The following MICOS10 variants were observed in gnomAD, a reference collection of about 807,000 sequenced individuals.
MICOS10 encodes mitochondrial contact site and cristae organizing system subunit 10, also known as MICOS complex subunit MIC10.
Under a neutral mutation model 13.4 loss-of-function variants are expected in MICOS10, and 5 were observed. The ratio of observed to expected loss-of-function variants is 0.37; its 90% CI spans 0.20 to 0.78. The LOEUF is 0.78. MICOS10 is among the 30% of genes least tolerant of loss of function. MICOS10 has a pLI of 0.47. For synonymous variants in MICOS10, 35 were observed against 33.6 expected, an observed-to-expected ratio of 1.04 and a Z score of -0.15; for missense variants, 101 against 94.6, an observed-to-expected ratio of 1.07 and a Z score of -0.28.
At chr1:19,624,365 C>T (rs895678588) in intron 3 of MICOS10, among the ~76,000 whole-genome samples, 7 of 151,088 alleles carry the variant, frequency 4.6e-5, no homozygotes, top group African/African-American at 9.8e-5. Context: ...TGGCTCACTG[C>T]GACCTCTGCC....
At chr1:19,617,410 G>A (rs2094888313) in intron 1 of MICOS10, 1 of 615,544 alleles carries the variant, frequency 1.6e-6, no homozygotes, top group African/African-American at 2.0e-5. Flanking sequence ...CTTTTGAGAA[G>A]CTGATTAATA....
chr1:19,600,985 T>C (rs1366809950), intron 1 of MICOS10: 2 of 1,289,246 alleles, frequency 1.6e-6, no homozygotes, highest in Non-Finnish European at 2.0e-6. Flanking sequence ...AGTCCTTCTC[T>C]GTTTGGTTGT....
chr1:19,619,038 T>C (rs771771480), intron 1 of MICOS10, among the ~76,000 whole-genome samples: 8 of 152,260 alleles, frequency 5.3e-5, no homozygotes, highest in Non-Finnish European at 7.3e-5. Context: ...GAGGTCTTAA[T>C]AATTGCCATA....
In MICOS10 at chr1:19,621,475, T is replaced by C. The variant is rs558903430; in HGVS notation, c.65-625T>C. Among the ~76,000 whole-genome samples the C allele has an allele frequency of 2.1e-4, 32 of 152,316 alleles. No homozygotes were observed. The South Asian group carries it at 6.4e-3, about 31-fold the overall frequency. The stretch of plus-strand genomic sequence containing the variant: ...TGGAGAGGAATCCAACATCTGGACA[T>C]GGCAGGTACAGTAGCATTGGAGTCT... On this transcript the variant is annotated intron_variant, in intron 1 of 3. Transcript: ENST00000322753.
Position 19,596,980 on chromosome 1 carries a change from C to T in MICOS10, c.-66C>T. On this transcript the variant is annotated 5_prime_UTR_variant, in exon 1 of 4. Coordinates refer to ENST00000322753, the MANE Select transcript of MICOS10 (RefSeq NM_001032363.4). ...ACCTGGGACTTGTTTCCAGCTCTCG[C>T]GAGACTTTCAGGGGTCGGAGCGCGG... is the stretch of plus-strand genomic sequence containing the variant. 1 of 1,508,146 alleles carries T rather than the reference C, an allele frequency of 6.6e-7. No homozygotes were observed. The highest frequency in any genetic ancestry group is 1.2e-5 in the South Asian group (1 of 82,472). The allele number at this position is 1,508,146 out of a possible 1,614,324, so 93.4% of individuals were successfully genotyped here.
At chr1:19,616,413 C>G (rs893537929) in intron 1 of MICOS10, among the ~76,000 whole-genome samples, 1 of 152,068 alleles carries the variant, frequency 6.6e-6, no homozygotes. Flanking sequence ...ATAGAAATAC[C>G]CTTTTCAGCA....
At chr1:19,605,166 A>G (rs928699198) in intron 1 of MICOS10, among the ~76,000 whole-genome samples, 4 of 152,160 alleles carry the variant, frequency 2.6e-5, no homozygotes, top group South Asian at 2.1e-4. Flanking sequence ...AGGAGATTTT[A>G]TCCTTTGGGG....
intron 1 of MICOS10, among the ~76,000 whole-genome samples, chr1:19,601,841 C>T (rs890416815): frequency 2.3e-4 from 35 of 152,068 alleles, no homozygotes; most frequent in African/African-American, 8.2e-4. Context: ...CTCTTTTTTC[C>T]ACTTTTTTAG....
intron 3 of MICOS10, among the ~76,000 whole-genome samples, chr1:19,624,168 C>T (rs531850405): frequency 5.9e-5 from 9 of 151,744 alleles, no homozygotes; most frequent in East Asian, 2.0e-4. Context: ...TTAGTAGAGA[C>T]GGAGCTTCAC....
chr1:19,609,710 G>T (rs2094851477), intron 1 of MICOS10, among the ~76,000 whole-genome samples: 1 of 152,200 alleles, frequency 6.6e-6, no homozygotes, highest in South Asian at 2.1e-4. Flanking sequence ...TCATTTTGTT[G>T]AGTGATAGAA....
intron 1 of MICOS10, among the ~76,000 whole-genome samples, chr1:19,599,078 T>C (rs2094804040): frequency 1.3e-5 from 2 of 152,024 alleles, no homozygotes; most frequent in South Asian, 2.1e-4. Context: ...TTTTTTGAAA[T>C]AGGGTCTCGC....
In MICOS10 at chr1:19,609,866, T is replaced by TG. The variant is rs2094852169; in HGVS notation, c.65-12231dup. 2.0e-5 allele frequency among the ~76,000 whole-genome samples: 3 copies of TG among 152,146 alleles called. No homozygotes were observed. In the South Asian group the frequency reaches 6.2e-4, roughly 32 times the overall value. Reference sequence around the variant, plus strand: ...ATGACTAAAGAAAGCATAGCCTGGCTGGGCACGGTGGCTCATGCCTGTAAT... The same window carrying TG: ...ATGACTAAAGAAAGCATAGCCTGGCTGGGGCACGGTGGCTCATGCCTGTAAT... On this transcript the variant is annotated intron_variant, in intron 1 of 3. Coordinates refer to ENST00000322753, the MANE Select transcript of MICOS10 (RefSeq NM_001032363.4).
intron 3 of MICOS10, chr1:19,623,940 T>TA (rs1459174545): frequency 6.0e-6 from 1 of 165,986 alleles, no homozygotes; most frequent in Non-Finnish European, 1.3e-5. Context: ...CACATATACT[T>TA]AAGCTAAACC....
At chr1:19,603,296 C>T (rs2094822796) in intron 1 of MICOS10, among the ~76,000 whole-genome samples, 1 of 152,180 alleles carries the variant, frequency 6.6e-6, no homozygotes. Context: ...TGCCATTGCA[C>T]CCCAGCTTGG....
intron 1 of MICOS10, among the ~76,000 whole-genome samples, chr1:19,604,433 C>T (rs1179878696): frequency 2.6e-5 from 4 of 152,054 alleles, no homozygotes; most frequent in Admixed American, 6.6e-5. Flanking sequence ...CGCTGGAACC[C>T]GGGAGTAGCA....
chr1:19,597,063 C>A lies in MICOS10; in HGVS notation c.18C>A (p.Leu6=). The change falls in exon 1 of 4, where the codon CTC becomes CTA. Residue 6 remains leucine (L), a synonymous_variant. Transcript: ENST00000322753. ...TGGGGAACATGTCTGAGTCGGAGCT[C>A]GGCAGGAAGTGGGACCGGTGTCTGG... is the stretch of plus-strand genomic sequence containing the variant. MSESE[L]GRKWDRCLAD... 6.3e-7 allele frequency: 1 copy of A among 1,593,700 alleles called. No homozygotes were observed. The highest frequency in any genetic ancestry group is 8.5e-7 in the Non-Finnish European group (1 of 1,172,440).
intron 1 of MICOS10, chr1:19,600,728 A>C (rs2094810896): frequency 2.6e-6 from 1 of 388,126 alleles, no homozygotes; most frequent in South Asian, 1.9e-5. Flanking sequence ...CAGCCTCCTG[A>C]GTAGCTGGGA....
intron 1 of MICOS10, chr1:19,600,850 C>A (rs1407281713): frequency 7.8e-7 from 1 of 1,274,820 alleles, no homozygotes; most frequent in Non-Finnish European, 1.0e-6. Flanking sequence ...ATCCACCTAC[C>A]TTGGCCTCCC....
intron 1 of MICOS10, among the ~76,000 whole-genome samples, chr1:19,612,209 A>T (rs907657273): frequency 1.6e-4 from 23 of 144,366 alleles, no homozygotes; most frequent in African/African-American, 5.6e-4. Context: ...TGCCTGGCTA[A>T]TTTTTTTTTT....
Sources: allele counts gnomAD v4.1 joint callset (sites outside exome capture counted in the v4.1 genomes callset), GRCh38; gene constraint gnomAD v4.1.1; transcripts MANE v1.5; gene names NCBI Gene and HGNC (gene_info 2026-07-23, HGNC 2026-07-21).